The following PDZD2 variants were observed in gnomAD, a reference collection of about 807,000 sequenced individuals.
PDZD2 encodes PDZ domain containing 2, also known as PDZ domain-containing protein 2.
Under a neutral mutation model 220.7 loss-of-function variants are expected in PDZD2, and 90 were observed. The observed-to-expected ratio is 0.41, with a 90% CI of 0.34 to 0.49. PDZD2 has a LOEUF of 0.49. PDZD2 is among the 20% of genes least tolerant of loss of function. The pLI, the probability that PDZD2 is intolerant of heterozygous loss-of-function variation, is 0.28. For missense variants in PDZD2, 3,174 were observed against 3,608.5 expected (o/e 0.88, Z 3.08); for synonymous variants, 1,375 against 1,450.5 (o/e 0.95, Z 1.18).
chr5:31,745,535 T>G (rs1302630641), intron 1 of PDZD2, among the ~76,000 whole-genome samples: 1 of 152,202 alleles, frequency 6.6e-6, no homozygotes, highest in Non-Finnish European at 1.5e-5. Flanking sequence ...TCACTAACTG[T>G]GAAGCCCAAA....
chr5:31,662,578 G>A (rs1202870241), intron 1 of PDZD2, among the ~76,000 whole-genome samples: 1 of 152,218 alleles, frequency 6.6e-6, no homozygotes, highest in African/African-American at 2.4e-5. Flanking sequence ...GGCAGGGATG[G>A]TGCCTTCTAG....
chr5:31,847,042 T>C (rs1176861998), intron 2 of PDZD2, among the ~76,000 whole-genome samples: 1 of 152,244 alleles, frequency 6.6e-6, no homozygotes, highest in Admixed American at 6.5e-5. Flanking sequence ...AATCATCTAT[T>C]GTTGATATAC....
At chr5:31,788,898 C>A (rs572755711) in intron 1 of PDZD2, among the ~76,000 whole-genome samples, 4 of 152,040 alleles carry the variant, frequency 2.6e-5, no homozygotes, top group Admixed American at 1.3e-4. Context: ...ACCCTCAAAT[C>A]GAGGCAGGAA....
rs1273209754 is a variant in PDZD2 at position 32,089,768 on chromosome 5, A to G, written c.6320A>G (p.Asn2107Ser). ...GCAGTGTCAGAGACTGTATGTGGTA[A>G]CAAGCCAGCTGAAAGCGACAGACGG... ...AEAVSETVCG[N>S]KPAESDRRGG... The change falls in exon 20 of 25, where the codon AAC becomes AGC. Residue 2107 changes from asparagine (N) to serine (S), a missense_variant. By Grantham distance (46) the Asn-to-Ser change is conservative (BLOSUM62 1). Coordinates refer to ENST00000438447, the MANE Select transcript of PDZD2 (RefSeq NM_178140.4). 1.2e-5 allele frequency: 20 copies of G among 1,614,208 alleles called. No homozygotes were observed. Among genetic ancestry groups the G allele is most frequent in the Non-Finnish European group, 1.7e-5 (20 of 1,180,030 alleles).
At chr5:31,840,248 C>G (rs112974715) in intron 2 of PDZD2, among the ~76,000 whole-genome samples, 12,999 of 150,578 alleles carry the variant, frequency 0.086, 713 homozygotes, top group Middle Eastern at 0.14. Context: ...CAAAACAAAA[C>G]AAAACAAAAC....
At position 32,089,547 on chromosome 5, in the gene PDZD2, C is replaced by T. The variant is rs781506103; in HGVS notation, c.6099C>T (p.Ser2033=). The change falls in exon 20 of 25, where the codon TCC becomes TCT. Residue 2033 remains serine, a synonymous_variant. Coordinates refer to ENST00000438447, the MANE Select transcript of PDZD2 (RefSeq NM_178140.4). ...AGGGCAGGGCGCCCCGTGCTGACTC[C>T]GGGCCGGTGAGTCCGGCAGCGTCTA... ...RAEGRAPRAD[S]GPVSPAASRN... 74 of 1,611,986 alleles carry T rather than the reference C, an allele frequency of 4.6e-5. 2 individuals are homozygous for T. Among genetic ancestry groups the T allele is most frequent in the South Asian group, 4.1e-4 (37 of 91,088 alleles).
At chr5:31,701,250 G>A (rs1747598791) in intron 1 of PDZD2, among the ~76,000 whole-genome samples, 1 of 152,258 alleles carries the variant, frequency 6.6e-6, no homozygotes, top group South Asian at 2.1e-4. Flanking sequence ...AGGCTGGGGT[G>A]CAGTAGCGCA....
chr5:31,976,964 C>T (rs1749842810), intron 2 of PDZD2, among the ~76,000 whole-genome samples: 1 of 151,400 alleles, frequency 6.6e-6, no homozygotes, highest in South Asian at 2.1e-4. Context: ...GATCCACCCG[C>T]CTTGGCCTCC....
intron 6 of PDZD2, among the ~76,000 whole-genome samples, chr5:32,020,030 AAT>A (rs371710368): frequency 2.0e-5 from 3 of 150,726 alleles, no homozygotes; most frequent in Admixed American, 6.6e-5. Flanking sequence ...TGTAAAGTAG[AAT>A]ATATATATAT....
intron 1 of PDZD2, chr5:31,742,061 C>T (rs1750297598): frequency 6.6e-6 from 1 of 152,178 alleles, no homozygotes; most frequent in African/African-American, 2.4e-5. Context: ...AATTGAGGCC[C>T]TCTTCTTATG....
chr5:31,830,267 G>T (rs535213140), intron 2 of PDZD2, among the ~76,000 whole-genome samples: 112 of 148,612 alleles, frequency 7.5e-4, no homozygotes, highest in African/African-American at 2.7e-3. Flanking sequence ...CCGGGTTCAC[G>T]CCATTCTCCT....
chr5:31,850,174 GTA>G (rs1193647007), intron 2 of PDZD2, among the ~76,000 whole-genome samples: 4 of 122,944 alleles, frequency 3.3e-5, no homozygotes, highest in Admixed American at 1.8e-4. Context: ...GTATATATAA[GTA>G]TATATATAAG....
At chr5:31,866,012 G>A (rs1160572471) in intron 2 of PDZD2, among the ~76,000 whole-genome samples, 10 of 139,006 alleles carry the variant, frequency 7.2e-5, no homozygotes, top group Non-Finnish European at 1.4e-4. Flanking sequence ...CTTGATTTTG[G>A]TTTTTTTTTG....
At chr5:32,103,574 G>A (rs1744461600) in intron 24 of PDZD2, 1 of 152,250 alleles carries the variant, frequency 6.6e-6, no homozygotes, top group Admixed American at 6.5e-5. Context: ...GAGGACTGAG[G>A]GAAAATGTCC....
At chr5:31,786,534 T>C (rs1434629034) in intron 1 of PDZD2, among the ~76,000 whole-genome samples, 2 of 152,232 alleles carry the variant, frequency 1.3e-5, no homozygotes, top group African/African-American at 2.4e-5. Flanking sequence ...CTCCTTTGTC[T>C]TGGCAGATAC....
chr5:31,697,037 A>T (rs1747408446), intron 1 of PDZD2, among the ~76,000 whole-genome samples: 1 of 152,246 alleles, frequency 6.6e-6, no homozygotes, highest in African/African-American at 2.4e-5. Flanking sequence ...TCATAGGGGC[A>T]TAACTCGCCT....
intron 2 of PDZD2, among the ~76,000 whole-genome samples, chr5:31,949,669 T>C (rs890894365): frequency 4.9e-4 from 17 of 34,390 alleles, no homozygotes; most frequent in African/African-American, 1.2e-3. Flanking sequence ...CATTTTTAGC[T>C]TTTTTTTTTT....
chr5:32,022,619 A>G (rs950642312), intron 6 of PDZD2, among the ~76,000 whole-genome samples: 12 of 152,210 alleles, frequency 7.9e-5, no homozygotes, highest in Admixed American at 3.3e-4. Context: ...TAGGGGTTCA[A>G]TGGATGGGTG....
chr5:31,962,544 G>T (rs1206414102), intron 2 of PDZD2, among the ~76,000 whole-genome samples: 1 of 152,200 alleles, frequency 6.6e-6, no homozygotes, highest in Non-Finnish European at 1.5e-5. Flanking sequence ...GCCCTTGGCA[G>T]TGCAGTGTCC....
Sources: gnomAD v4.1 joint callset for allele counts (sites outside exome capture counted in the v4.1 genomes callset) on GRCh38, gnomAD v4.1.1 for gene constraint, MANE v1.5 for transcripts, NCBI Gene and HGNC (gene_info 2026-07-23, HGNC 2026-07-21) for gene names.